Variants in SPATA6 observed in about 807,000 individuals in gnomAD.
SPATA6 encodes spermatogenesis associated 6, also known as spermatogenesis-associated protein 6.
A neutral mutation model predicts 65.3 loss-of-function variants in SPATA6; 56 were observed. The ratio of observed to expected loss-of-function variants is 0.86; its 90% CI spans 0.69 to 1.07. The LOEUF is 1.07. Ranked by LOEUF, SPATA6 falls within the 50% of genes least tolerant of loss-of-function variation. SPATA6 has a pLI of 0.00. For synonymous variants in SPATA6, 199 were observed against 213.2 expected (o/e 0.93, Z 0.58); for missense variants, 590 against 594.8 (o/e 0.99, Z 0.08).
At chr1:48,265,000 C>T in the SPATA6 span, among the ~76,000 whole-genome samples, 1 of 152,148 alleles carries the variant, frequency 6.6e-6, no homozygotes, top group Non-Finnish European at 1.5e-5. Flanking sequence ...CCTCTTCATG[C>T]CTCCATGCAA....
intron 7 of SPATA6, 83 bp from the exon 8 acceptor site, chr1:48,395,437 A>T (rs1650495909): frequency 1.1e-6 from 1 of 872,564 alleles, no homozygotes. Flanking sequence ...AAACTACTAG[A>T]GTACAGAGAG....
At chr1:48,439,203 G>A (rs148791942) in intron 3 of SPATA6, among the ~76,000 whole-genome samples, 11 of 152,188 alleles carry the variant, frequency 7.2e-5, no homozygotes, top group East Asian at 1.9e-4. Context: ...AATTTTTCTC[G>A]GTACTCTTTG....
At chr1:48,281,164 A>G in the SPATA6 span, among the ~76,000 whole-genome samples, 3 of 152,122 alleles carry the variant, frequency 2.0e-5, no homozygotes, top group Admixed American at 2.0e-4. Flanking sequence ...CAATAAATTA[A>G]GTATTGATGG....
chr1:48,302,314 G>T (rs1451699650), intron 12 of SPATA6, among the ~76,000 whole-genome samples: 1 of 152,086 alleles, frequency 6.6e-6, no homozygotes, highest in African/African-American at 2.4e-5. Flanking sequence ...TGTACTCATG[G>T]TTCAATAGTG....
downstream of SPATA6, among the ~76,000 whole-genome samples, chr1:48,290,590 T>C (rs1411296417): frequency 2.0e-5 from 3 of 152,218 alleles, no homozygotes; most frequent in African/African-American, 4.8e-5. Context: ...GTGTGCTGTA[T>C]TCAGGAGACC....
chr1:48,313,033 A>G (rs907211125), intron 11 of SPATA6, among the ~76,000 whole-genome samples: 1 of 152,212 alleles, frequency 6.6e-6, no homozygotes, highest in Non-Finnish European at 1.5e-5. Flanking sequence ...TCCAAGAAAT[A>G]TGGGACTATG....
chr1:48,370,523 G>A (rs1055296849), intron 9 of SPATA6, among the ~76,000 whole-genome samples: 2 of 152,178 alleles, frequency 1.3e-5, no homozygotes, highest in African/African-American at 4.8e-5. Context: ...TTTGGTTTAA[G>A]TAAGATGTAC....
At position 48,437,317 on chromosome 1, in the gene SPATA6, T is replaced by C. The variant is rs976721215; in HGVS notation, c.238+14235A>G. 42 of 1,500,884 alleles carry C rather than the reference T, an allele frequency of 2.8e-5. No homozygotes were observed. The African/African-American group carries it at 5.6e-4, about 20-fold the overall frequency. The allele number at this position is 1,500,884 out of a possible 1,614,324, so 93.0% of individuals were successfully genotyped here. A position where few individuals can be genotyped will look rare whatever the true frequency, so the allele number is the denominator to read the frequency against. On this transcript the variant is annotated intron_variant, in intron 3 of 12. Transcript: ENST00000371847. ...TAGGTACAAATACGAGAATTATACT[T>C]GAAAATACAGTTGGTGCACTGGAGA...
In SPATA6 at chr1:48,359,640, G is replaced by C; in HGVS notation, c.1040C>G (p.Thr347Arg). The stretch of plus-strand genomic sequence containing the variant: ...AGGGCTTGGAGAATGCTTTGGCATT[G>C]TTGAGGGTGCTGAATGGACTAGCAA... ...RTLLVHSAPSTMPKHSPSPVL... is the reference protein window; with the variant it reads ...RTLLVHSAPSRMPKHSPSPVL... Residue 347 changes from threonine (T) to arginine (R), a missense_variant, in exon 10 of 13, where the codon ACA becomes AGA. Physicochemically the swap from Thr to Arg is moderately conservative, Grantham distance 71. Coordinates refer to ENST00000371847, the MANE Select transcript of SPATA6 (RefSeq NM_019073.4). 6.2e-7 allele frequency: 1 copy of C among 1,613,744 alleles called. No homozygotes were observed. The highest frequency in any genetic ancestry group is 8.5e-7 in the Non-Finnish European group (1 of 1,179,774).
chr1:48,360,714 G>C (rs1441194510), intron 9 of SPATA6, among the ~76,000 whole-genome samples: 3 of 152,244 alleles, frequency 2.0e-5, no homozygotes, highest in African/African-American at 7.2e-5. Flanking sequence ...CTATTATATT[G>C]AGAATAGTCT....
At chr1:48,369,549 C>A (rs368997504) in intron 9 of SPATA6, among the ~76,000 whole-genome samples, 1 of 152,174 alleles carries the variant, frequency 6.6e-6, no homozygotes, top group Admixed American at 6.5e-5. Flanking sequence ...TAGCAATCAG[C>A]GAGACTCCGT....
At chr1:48,417,091 G>C (rs1233618564) in intron 3 of SPATA6, among the ~76,000 whole-genome samples, 1 of 152,042 alleles carries the variant, frequency 6.6e-6, no homozygotes, top group Admixed American at 6.5e-5. Context: ...CTGGAGTTCT[G>C]AGCCACTGCA....
intron 5 of SPATA6, among the ~76,000 whole-genome samples, chr1:48,405,465 G>T (rs1256356759): frequency 6.6e-6 from 1 of 152,170 alleles, no homozygotes; most frequent in Non-Finnish European, 1.5e-5. Context: ...TGTCATTTAG[G>T]CTGCAGTCAA....
chr1:48,362,474 TAG>T (rs1010577501), intron 9 of SPATA6, among the ~76,000 whole-genome samples: 26 of 152,246 alleles, frequency 1.7e-4, no homozygotes, highest in African/African-American at 6.3e-4. Flanking sequence ...AAGCCTTTTA[TAG>T]GTGACTACCA....
chr1:48,384,686 G>A (rs137882420), intron 9 of SPATA6, among the ~76,000 whole-genome samples: 1 of 152,066 alleles, frequency 6.6e-6, no homozygotes, highest in African/African-American at 2.4e-5. Flanking sequence ...TGCTCAGTTA[G>A]CTATTGGTAT....
chr1:48,338,379 T>C (rs1342206398), intron 11 of SPATA6, among the ~76,000 whole-genome samples: 3 of 152,030 alleles, frequency 2.0e-5, no homozygotes, highest in African/African-American at 7.2e-5. Flanking sequence ...ACTTATGAAG[T>C]TGCTTAGGAC....
In SPATA6 at chr1:48,317,789, G is replaced by A. The variant is rs117983807; in HGVS notation, c.1195-11911C>T. 3.1e-4 allele frequency among the ~76,000 whole-genome samples: 47 copies of A among 152,202 alleles called. No individual in the cohort carries two copies. The East Asian group carries it at 7.5e-3, about 24-fold the overall frequency. ...TTACAACTTCTTCCCAAAAATTTAA[G>A]AGGAAGAAGAACTCACCAACTCATT... On this transcript the variant is annotated intron_variant, in intron 11 of 12. Coordinates refer to ENST00000371847, the MANE Select transcript of SPATA6 (RefSeq NM_019073.4).
chr1:48,428,421 C>G (rs1654044633), intron 3 of SPATA6, among the ~76,000 whole-genome samples: 1 of 152,118 alleles, frequency 6.6e-6, no homozygotes. Context: ...CCATTGCACT[C>G]CAGCCTGGGC....
chr1:48,419,205 A>G (rs1057390576), intron 3 of SPATA6, among the ~76,000 whole-genome samples: 1 of 152,204 alleles, frequency 6.6e-6, no homozygotes, highest in Non-Finnish European at 1.5e-5. Flanking sequence ...CAAGGTAAGT[A>G]CTACCTCTAT....
Sources: gnomAD v4.1 joint callset for allele counts (sites outside exome capture counted in the v4.1 genomes callset) on GRCh38, gnomAD v4.1.1 for gene constraint, MANE v1.5 for transcripts, NCBI Gene and HGNC (gene_info 2026-07-23, HGNC 2026-07-21) for gene names.